The following ZNF600 variants were observed in gnomAD, a reference collection of about 807,000 sequenced individuals.
The protein encoded by ZNF600 is zinc finger protein 600.
Under a neutral mutation model 7.3 loss-of-function variants are expected in ZNF600, and 4 were observed. The observed-to-expected ratio is 0.55, with a 90% CI of 0.27 to 1.25. The LOEUF (loss-of-function observed/expected upper bound fraction) is 1.25. ZNF600 is among the 50% of genes most tolerant of loss of function. ZNF600 has a pLI of 0.12. For missense variants in ZNF600, 911 were observed against 922.1 expected (o/e 0.99, Z 0.16); for synonymous variants, 290 against 308.9 (o/e 0.94, Z 0.64).
chr19:52,765,426 G>A, exon 4 of ZNF600: 1 of 1,134,714 alleles, frequency 8.8e-7, no homozygotes, highest in East Asian at 2.4e-5. Context: ...ACATTTGTAA[G>A]GTTTCTCTCC....
chr19:52,782,984 T>C (rs1368742848), intron 1 of ZNF600, among the ~76,000 whole-genome samples: 3 of 150,310 alleles, frequency 2.0e-5, no homozygotes, highest in Non-Finnish European at 4.4e-5. Context: ...CTTTTAATAT[T>C]CCTTTCATCA....
the ZNF600 span, among the ~76,000 whole-genome samples, chr19:52,792,224 A>G: frequency 6.6e-6 from 1 of 152,218 alleles, no homozygotes; most frequent in African/African-American, 2.4e-5. Flanking sequence ...ATAATCACAC[A>G]GAACAGGCAA....
rs201135833 is a variant in ZNF600, at chr19:52,776,017, AC to A, written c.64-1317del. Among the ~76,000 whole-genome samples the A allele has an allele frequency of 5.4e-4, 81 of 148,718 alleles. 1 individual carries two copies. Among genetic ancestry groups the A allele is most frequent in the South Asian group, 4.7e-3 (22 of 4,672 alleles). The stretch of plus-strand genomic sequence containing the variant: ...CAATACTCTGACTCCAAAAAAAAAA[AC>A]CAAAAACCAAAAACTGTTATGATGA... On this transcript the variant is annotated intron_variant, in intron 2 of 3. Transcript: ENST00000648973.
chr19:52,786,710 C>T, exon 1 of ZNF600: 1 of 344,716 alleles, frequency 2.9e-6, no homozygotes, highest in Non-Finnish European at 6.2e-6. Context: ...CAGACTTAAT[C>T]CAAGGCAGAG....
chr19:52,769,812 C>T (rs1287989337), intron 3 of ZNF600, among the ~76,000 whole-genome samples: 1 of 152,174 alleles, frequency 6.6e-6, no homozygotes, highest in African/African-American at 2.4e-5. Context: ...GCCTCAGCCT[C>T]CCAAAGTTCT....
chr19:52,819,354 G>C, the ZNF600 span, among the ~76,000 whole-genome samples: 566 of 145,626 alleles, frequency 3.9e-3, 76 homozygotes, highest in African/African-American at 0.014. Context: ...TCCGAAGATG[G>C]TCTCTCTTTC....
At chr19:52,764,818 GATCTCCCTTTT>G (rs2062555870) in exon 4 of ZNF600, 2 of 159,016 alleles carry the variant, frequency 1.3e-5, no homozygotes, top group South Asian at 3.7e-4. Context: ...TGCCTGGCCT[GATCTCCCTTTT>G]ATAAAGTACT....
the ZNF600 span, chr19:52,800,777 C>T: frequency 7.4e-6 from 12 of 1,613,858 alleles, no homozygotes; most frequent in African/African-American, 1.2e-4. Context: ...ATTCATTACA[C>T]TTGTAAGGTT....
chr19:52,812,762 TAA>T, the ZNF600 span, among the ~76,000 whole-genome samples: 244 of 75,408 alleles, frequency 3.2e-3, no homozygotes, highest in African/African-American at 4.6e-3. Context: ...GAATGATCAA[TAA>T]AAAAAAAAAA....
intron 3 of ZNF600, among the ~76,000 whole-genome samples, chr19:52,773,251 A>G (rs60261123): frequency 0.33 from 49,408 of 147,544 alleles, 5,531 homozygotes; most frequent in African/African-American, 0.48. Flanking sequence ...TGAGCTTGGA[A>G]GAAAGTGGAA....
the ZNF600 span, chr19:52,798,934 G>GT: frequency 7.0e-7 from 1 of 1,424,338 alleles, no homozygotes; most frequent in East Asian, 2.9e-5. Flanking sequence ...CATTGCACTT[G>GT]TAAGGTTTCT....
At chr19:52,790,776 T>A (rs1014718719), upstream of ZNF600, among the ~76,000 whole-genome samples, 19 of 149,480 alleles carry the variant, frequency 1.3e-4, no homozygotes, top group African/African-American at 4.5e-4. Flanking sequence ...AACCTCGACT[T>A]CCCGGATTCA....
the ZNF600 span, among the ~76,000 whole-genome samples, chr19:52,829,989 G>A: frequency 6.6e-6 from 1 of 152,170 alleles, no homozygotes; most frequent in East Asian, 1.9e-4. Flanking sequence ...AAAACCTGGA[G>A]GCAGCTGGGA....
exon 4 of ZNF600, chr19:52,767,274 G>T: frequency 1.9e-6 from 3 of 1,614,196 alleles, no homozygotes; most frequent in Non-Finnish European, 1.7e-6. Context: ...ACATTGGAAA[G>T]ATTTTTCTCT....
chr19:52,833,424 T>C, the ZNF600 span, among the ~76,000 whole-genome samples: 2 of 152,096 alleles, frequency 1.3e-5, no homozygotes, highest in African/African-American at 4.8e-5. Context: ...AGGGCAGGCA[T>C]GGGTGAGTGT....
chr19:52,799,993 G>T, the ZNF600 span: 2 of 1,612,818 alleles, frequency 1.2e-6, no homozygotes, highest in South Asian at 2.2e-5. Flanking sequence ...GATGATGTCT[G>T]ACGGAAGGTC....
chr19:52,781,514 C>A (rs984776421), intron 1 of ZNF600, 50 bp from the exon 2 acceptor site: 3 of 152,198 alleles, frequency 2.0e-5, no homozygotes, highest in African/African-American at 7.2e-5. Flanking sequence ...CCCTTGTAAT[C>A]CCAGCACTTT....
intron 3 of ZNF600, among the ~76,000 whole-genome samples, chr19:52,770,935 G>A (rs2062625373): frequency 6.6e-6 from 1 of 152,048 alleles, no homozygotes; most frequent in African/African-American, 2.4e-5. Context: ...CCAGGTTCAA[G>A]CGATTCTCCT....
At chr19:52,818,885 GAAAA>G in the ZNF600 span, among the ~76,000 whole-genome samples, 167 of 114,238 alleles carry the variant, frequency 1.5e-3, 2 homozygotes, top group Non-Finnish European at 1.1e-3. Context: ...GTCTGTTTGG[GAAAA>G]AAAAAAAAAA....
Sources: gnomAD v4.1 joint callset for allele counts (sites outside exome capture counted in the v4.1 genomes callset) on GRCh38, gnomAD v4.1.1 for gene constraint, MANE v1.5 for transcripts, NCBI Gene and HGNC (gene_info 2026-07-23, HGNC 2026-07-21) for gene names.